The following RANGAP1 variants were observed in gnomAD, a reference collection of about 807,000 sequenced individuals.
RANGAP1 encodes the protein Ran GTPase activating protein 1, also known as ran GTPase-activating protein 1.
RANGAP1 carries 38 observed loss-of-function variants against 63.5 expected under a neutral mutation model. That is an observed-to-expected ratio of 0.60 (90% CI 0.46 to 0.78). RANGAP1 has a LOEUF of 0.78. Ranked by LOEUF, RANGAP1 falls within the 30% of genes least tolerant of loss-of-function variation. The probability of loss-of-function intolerance (pLI) is 0.00; values close to 1 mark genes in which losing one functional copy is unlikely to be tolerated. For missense variants in RANGAP1, 630 were observed against 740.3 expected (o/e 0.85, Z 1.73); for synonymous variants, 329 against 310.5 (o/e 1.06, Z -0.63).
In RANGAP1 at chr22:41,281,769, A is replaced by G. The variant is rs575375444; in HGVS notation, c.-38-687T>C. 80 of 451,444 alleles carry G rather than the reference A, an allele frequency of 1.8e-4. 1 individual carries two copies. In the Middle Eastern group the frequency reaches 3.4e-3, roughly 19 times the overall value. 28.0% of individuals were successfully genotyped at this position (451,444 alleles called of 1,614,324 possible). On this transcript the variant is annotated intron_variant, in intron 1 of 15. Transcript: ENST00000356244. ...CTACTATACTCAAGTCTACCAGAAGATTTGGGTAGAAATGGGGTTGATAAG... is the reference window on the plus strand; with the variant it reads ...CTACTATACTCAAGTCTACCAGAAGGTTTGGGTAGAAATGGGGTTGATAAG...
chr22:41,267,739 G>A (rs996489810), intron 4 of RANGAP1, among the ~76,000 whole-genome samples: 2 of 152,184 alleles, frequency 1.3e-5, no homozygotes, highest in East Asian at 3.9e-4. Flanking sequence ...TCATGAAGGA[G>A]CAGGACTGCG....
chr22:41,260,332 G>C (rs768825243), intron 6 of RANGAP1, among the ~76,000 whole-genome samples: 1 of 152,104 alleles, frequency 6.6e-6, no homozygotes, highest in Non-Finnish European at 1.5e-5. Context: ...GGCAGGGAGG[G>C]ATCCAAGGAT....
chr22:41,256,396 C>T, intron 8 of RANGAP1, 106 bp from the exon 9 acceptor site: 1 of 1,168,442 alleles, frequency 8.6e-7, no homozygotes, highest in South Asian at 1.4e-5. Context: ...AGGCTCTGTC[C>T]TCCAGGTGGG....
chr22:41,253,439 A>T (rs1429090829), intron 11 of RANGAP1, among the ~76,000 whole-genome samples: 1 of 152,230 alleles, frequency 6.6e-6, no homozygotes, highest in Non-Finnish European at 1.5e-5. Context: ...TAAACCAGAG[A>T]AGCAGCCCAA....
At chr22:41,261,837 T>TA (rs1236942978) in intron 5 of RANGAP1, among the ~76,000 whole-genome samples, 1 of 152,162 alleles carries the variant, frequency 6.6e-6, no homozygotes, top group African/African-American at 2.4e-5. Context: ...GACCAAGCCC[T>TA]ACTCAGGAAA....
chr22:41,251,866 T>C (rs1247989663), intron 12 of RANGAP1, among the ~76,000 whole-genome samples: 1 of 152,154 alleles, frequency 6.6e-6, no homozygotes, highest in Non-Finnish European at 1.5e-5. Context: ...TGAATGGTGC[T>C]ACACCAAAGT....
intron 1 of RANGAP1, among the ~76,000 whole-genome samples, chr22:41,284,440 G>A (rs1391849583): frequency 6.6e-6 from 1 of 151,928 alleles, no homozygotes; most frequent in Admixed American, 6.6e-5. Flanking sequence ...GGTGGCACAT[G>A]CCTGTAATCC....
At chr22:41,279,312 T>C (rs1174613803) in intron 2 of RANGAP1, among the ~76,000 whole-genome samples, 1 of 151,286 alleles carries the variant, frequency 6.6e-6, no homozygotes, top group Non-Finnish European at 1.5e-5. Context: ...CCTACTAAAA[T>C]ACAAAAAATT....
Position 41,251,102 on chromosome 22 carries a change from G to GT in RANGAP1, c.1387dup (p.Thr463AsnfsTer3), listed in dbSNP as rs1569171919. The GT allele has an allele frequency of 6.2e-7, 1 of 1,613,520 alleles. No individual in the cohort carries two copies. Among genetic ancestry groups the GT allele is most frequent in the Non-Finnish European group, 8.5e-7 (1 of 1,179,642 alleles). ...AGAGACCACCTTCTCGGGGTCAGAC[G>GT]TGTCAGTCTGAGGACAAAAGAGACA... On this transcript the variant is annotated frameshift_variant, in exon 13 of 16. Coordinates refer to ENST00000356244, the MANE Select transcript of RANGAP1 (RefSeq NM_002883.4). LOFTEE classifies it high-confidence loss of function.
At chr22:41,259,671 C>T in intron 6 of RANGAP1, among the ~76,000 whole-genome samples, 1 of 152,212 alleles carries the variant, frequency 6.6e-6, no homozygotes, top group East Asian at 1.9e-4. Flanking sequence ...CTGTGATTTC[C>T]ACTGGGGATA....
intron 1 of RANGAP1, chr22:41,285,680 C>T (rs927925365): frequency 2.0e-6 from 2 of 985,238 alleles, no homozygotes; most frequent in Non-Finnish European, 2.4e-6. Flanking sequence ...TCTGGAATCC[C>T]CGGCGGACTC....
intron 5 of RANGAP1, among the ~76,000 whole-genome samples, chr22:41,262,507 G>A (rs1233069590): frequency 1.3e-5 from 2 of 152,210 alleles, no homozygotes; most frequent in Non-Finnish European, 2.9e-5. Flanking sequence ...AGAGATGAGT[G>A]AATTGGCCAA....
At position 41,252,839 on chromosome 22, in the gene RANGAP1, C is replaced by A. The variant is rs771988112; in HGVS notation, c.1380+33G>T. The A allele has an allele frequency of 1.2e-5, 18 of 1,534,114 alleles. No homozygotes were observed. In the African/African-American group the frequency reaches 2.4e-4, roughly 21 times the overall value. On this transcript the variant is annotated intron_variant, in intron 12 of 15. Coordinates refer to ENST00000356244, the MANE Select transcript of RANGAP1 (RefSeq NM_002883.4). Reference sequence around the variant, plus strand: ...TCTAACAGCTCCAGAAGCCACAGCACGTACAGCGTGGGGGTCGAGGGGTGG... The same window carrying A: ...TCTAACAGCTCCAGAAGCCACAGCAAGTACAGCGTGGGGGTCGAGGGGTGG...
chr22:41,251,203 G>A lies in RANGAP1; in HGVS notation c.1381-94C>T, dbSNP rs557593524. ...CTAGGAGAGGCCTGGGCAGTACAAAGGCCCCTGGCGGGCAAGAACAGGTCC... is the reference window on the plus strand; with the variant it reads ...CTAGGAGAGGCCTGGGCAGTACAAAAGCCCCTGGCGGGCAAGAACAGGTCC... On this transcript the variant is annotated intron_variant, in intron 12 of 15. Transcript: ENST00000356244. 1.1e-5 allele frequency: 10 copies of A among 932,564 alleles called. No homozygotes were observed. In the African/African-American group the frequency reaches 1.5e-4, roughly 14 times the overall value. 57.8% of individuals were successfully genotyped at this position (932,564 alleles called of 1,614,324 possible). A position where few individuals can be genotyped will look rare whatever the true frequency, so the allele number is the denominator to read the frequency against.
At chr22:41,271,692 CAAA>C (rs55943126) in intron 3 of RANGAP1, among the ~76,000 whole-genome samples, 4 of 113,012 alleles carry the variant, frequency 3.5e-5, no homozygotes, top group African/African-American at 6.1e-5. Flanking sequence ...GACTCCGTCT[CAAA>C]AAAAAAAAAA....
At chr22:41,266,646 G>A (rs1450610823) in intron 4 of RANGAP1, among the ~76,000 whole-genome samples, 3 of 152,036 alleles carry the variant, frequency 2.0e-5, no homozygotes, top group Non-Finnish European at 4.4e-5. Flanking sequence ...TGATTCTTCC[G>A]CCTCAGCATC....
At chr22:41,275,310 T>C (rs889713759) in intron 2 of RANGAP1, among the ~76,000 whole-genome samples, 1 of 151,396 alleles carries the variant, frequency 6.6e-6, no homozygotes, top group Non-Finnish European at 1.5e-5. Flanking sequence ...CTGGGCAACA[T>C]GGTGAAACTC....
intron 2 of RANGAP1, among the ~76,000 whole-genome samples, chr22:41,278,806 G>T (rs1421946110): frequency 6.6e-6 from 1 of 152,204 alleles, no homozygotes; most frequent in African/African-American, 2.4e-5. Context: ...TTCAAAACCA[G>T]CCTGGCCAAC....
intron 2 of RANGAP1, among the ~76,000 whole-genome samples, chr22:41,276,225 G>T (rs2035136685): frequency 6.6e-6 from 1 of 152,208 alleles, no homozygotes; most frequent in Non-Finnish European, 1.5e-5. Flanking sequence ...TGCTATAGCA[G>T]TTCTCTCTAG....
Sources: gnomAD v4.1 joint callset for allele counts (sites outside exome capture counted in the v4.1 genomes callset) on GRCh38, gnomAD v4.1.1 for gene constraint, MANE v1.5 for transcripts, NCBI Gene and HGNC (gene_info 2026-07-23, HGNC 2026-07-21) for gene names.